Variants in FMNL2 observed in about 807,000 individuals in gnomAD.
FMNL2 encodes the protein formin-like protein 2.
A neutral mutation model predicts 130.2 loss-of-function variants in FMNL2; 51 were observed. That is an observed-to-expected ratio of 0.39 (90% CI 0.31 to 0.49). The LOEUF is 0.49. FMNL2 is among the 20% of genes least tolerant of loss of function. FMNL2 has a pLI of 0.85. For missense variants in FMNL2, 977 were observed against 1,316.2 expected, an observed-to-expected ratio of 0.74 and a Z score of 3.99; for synonymous variants, 465 against 467.1, an observed-to-expected ratio of 1.00 and a Z score of 0.06.
intron 6 of FMNL2, among the ~76,000 whole-genome samples, chr2:152,564,498 G>C (rs901235415): frequency 3.3e-5 from 5 of 152,162 alleles, no homozygotes; most frequent in African/African-American, 1.2e-4. Flanking sequence ...AAGGTGGGAG[G>C]ATCACTTGAA....
At chr2:152,589,981 A>G (rs199731391) in intron 9 of FMNL2, among the ~76,000 whole-genome samples, 427 of 42,444 alleles carry the variant, frequency 0.01, 10 homozygotes, top group African/African-American at 0.042. Context: ...ATATATATAT[A>G]TATGTATATG....
chr2:152,596,345 T>G (rs1697773525), intron 9 of FMNL2, among the ~76,000 whole-genome samples: 1 of 152,196 alleles, frequency 6.6e-6, no homozygotes, highest in Admixed American at 6.5e-5. Context: ...TGTGGCTTCA[T>G]TTTTATGCAG....
intron 6 of FMNL2, among the ~76,000 whole-genome samples, chr2:152,564,183 A>G (rs533636956): frequency 6.6e-6 from 1 of 151,986 alleles, no homozygotes; most frequent in Non-Finnish European, 1.5e-5. Flanking sequence ...AAAAAGAAAA[A>G]GTATATAAAT....
At chr2:152,513,013 A>C (rs2105367038) in intron 1 of FMNL2, among the ~76,000 whole-genome samples, 1 of 152,360 alleles carries the variant, frequency 6.6e-6, no homozygotes, top group South Asian at 2.1e-4. Context: ...TTTCATGTTA[A>C]AAGAGAAATA....
intron 20 of FMNL2, 61 bp from the exon 21 acceptor site, chr2:152,631,947 G>T: frequency 1.3e-6 from 2 of 1,539,246 alleles, no homozygotes; most frequent in Non-Finnish European, 1.7e-6. Flanking sequence ...CGTCACCTGA[G>T]GGGTAAGTGT....
intron 9 of FMNL2, among the ~76,000 whole-genome samples, chr2:152,589,967 A>ATG (rs1215957438): frequency 3.5e-4 from 6 of 17,206 alleles, no homozygotes; most frequent in South Asian, 1.2e-3. Context: ...ATATATATAT[A>ATG]TATATATATA....
At chr2:152,450,881 C>T (rs1032017941) in intron 1 of FMNL2, among the ~76,000 whole-genome samples, 11 of 152,342 alleles carry the variant, frequency 7.2e-5, no homozygotes, top group African/African-American at 2.6e-4. Context: ...TGTCCCTGCT[C>T]CATGTGTCCA....
chr2:152,444,123 T>C (rs1688214128), intron 1 of FMNL2, among the ~76,000 whole-genome samples: 1 of 151,988 alleles, frequency 6.6e-6, no homozygotes, highest in South Asian at 2.1e-4. Context: ...ATTTAAGCAG[T>C]AAGTTCCAGA....
Position 152,402,946 on chromosome 2 carries a change from C to T in FMNL2, c.117+67226C>T, listed in dbSNP as rs74692848. 7.9e-5 allele frequency among the ~76,000 whole-genome samples: 12 copies of T among 152,202 alleles called. No individual in the cohort carries two copies. In the East Asian group the frequency reaches 1.4e-3, roughly 17 times the overall value. ...GTGTCACATTTAGTTGTCGTGGAGC[C>T]CCAGGCTATTTTTGGTTGTGACAGT... On this transcript the variant is annotated intron_variant, in intron 1 of 25. Transcript: ENST00000288670.
At chr2:152,495,653 C>CAAAAAAAAA (rs55989531) in intron 1 of FMNL2, among the ~76,000 whole-genome samples, 26 of 48,558 alleles carry the variant, frequency 5.4e-4, no homozygotes, top group African/African-American at 1.7e-3. Context: ...TCCGTCTCAC[C>CAAAAAAAAA]AAAAAAAAAA....
chr2:152,346,268 G>A (rs987594050), intron 1 of FMNL2, among the ~76,000 whole-genome samples: 2 of 151,980 alleles, frequency 1.3e-5, no homozygotes, highest in African/African-American at 2.4e-5. Context: ...CAGGTGATCC[G>A]CCCACCCCAG....
intron 1 of FMNL2, among the ~76,000 whole-genome samples, chr2:152,374,450 G>A (rs1684053973): frequency 6.6e-6 from 1 of 151,992 alleles, no homozygotes; most frequent in Non-Finnish European, 1.5e-5. Flanking sequence ...CCAGACAAGT[G>A]ACTGCTAATC....
intron 1 of FMNL2, among the ~76,000 whole-genome samples, chr2:152,493,298 A>G (rs1691316344): frequency 6.6e-6 from 1 of 152,180 alleles, no homozygotes; most frequent in African/African-American, 2.4e-5. Context: ...CTTCCAGTGT[A>G]ATTTCTTTTT....
chr2:152,644,669 T>C (rs1683385583), intron 25 of FMNL2, among the ~76,000 whole-genome samples: 1 of 152,206 alleles, frequency 6.6e-6, no homozygotes. Context: ...TCCCACTGTC[T>C]TATCTCATTC....
chr2:152,471,910 G>A (rs1689879648), intron 1 of FMNL2, among the ~76,000 whole-genome samples: 1 of 152,140 alleles, frequency 6.6e-6, no homozygotes, highest in African/African-American at 2.4e-5. Context: ...TGTACTGCCT[G>A]GATCACAGTT....
At chr2:152,365,759 C>G (rs1414252850) in intron 1 of FMNL2, among the ~76,000 whole-genome samples, 1 of 151,696 alleles carries the variant, frequency 6.6e-6, no homozygotes, top group African/African-American at 2.4e-5. Flanking sequence ...GGCGACAGAG[C>G]AAAACTCTGT....
At chr2:152,555,346 A>AT (rs1160162599) in intron 4 of FMNL2, among the ~76,000 whole-genome samples, 20 of 152,028 alleles carry the variant, frequency 1.3e-4, no homozygotes, top group Admixed American at 3.9e-4. Flanking sequence ...GCTTTTCATG[A>AT]TTTTTCATCA....
Position 152,424,583 on chromosome 2 carries a change from G to T in FMNL2, c.117+88863G>T, listed in dbSNP as rs565862373. Among the ~76,000 whole-genome samples, 4 of 152,104 alleles carry T rather than the reference G, an allele frequency of 2.6e-5. No homozygotes were observed. The East Asian group carries it at 7.8e-4, about 30-fold the overall frequency. On this transcript the variant is annotated intron_variant, in intron 1 of 25. Transcript: ENST00000288670. ...TTTTTATATTTTTAACAGAGACAGG[G>T]CTTCACCATGTTGGCCAGGCTGGTC...
chr2:152,570,776 A>G (rs1053750785), intron 6 of FMNL2, among the ~76,000 whole-genome samples: 3 of 152,200 alleles, frequency 2.0e-5, no homozygotes, highest in African/African-American at 7.2e-5. Flanking sequence ...ACACTTCAGA[A>G]TGAATAGGTT....
Sources: gnomAD v4.1 joint callset for allele counts (sites outside exome capture counted in the v4.1 genomes callset) on GRCh38, gnomAD v4.1.1 for gene constraint, MANE v1.5 for transcripts, NCBI Gene and HGNC (gene_info 2026-07-23, HGNC 2026-07-21) for gene names.